Variants in ANK1 observed in about 807,000 individuals in gnomAD.
ANK1 encodes ankyrin 1.
In ANK1, 51 loss-of-function variants were observed where a neutral mutation model predicts 210.4. That is an observed-to-expected ratio of 0.24 (90% CI 0.19 to 0.31). The LOEUF (loss-of-function observed/expected upper bound fraction) is 0.31. ANK1 is among the 10% of genes least tolerant of loss of function. ANK1 has a pLI of 1.00. For synonymous variants in ANK1, 967 were observed against 1,025.9 expected, an observed-to-expected ratio of 0.94 and a Z score of 1.10; for missense variants, 2,051 against 2,504.4, an observed-to-expected ratio of 0.82 and a Z score of 3.86.
rs769931738 is a variant in ANK1, at chr8:41,654,441, G to C, written c.*1349C>G. The C allele has an allele frequency of 1.3e-5, 2 of 152,680 alleles. No individual in the cohort carries two copies. Among genetic ancestry groups the C allele is most frequent in the Non-Finnish European group, 1.5e-5 (1 of 68,084 alleles). The allele number at this position is 152,680 out of a possible 1,614,324, so 9.5% of individuals were successfully genotyped here. A position where few individuals can be genotyped will look rare whatever the true frequency, so the allele number is the denominator to read the frequency against. On this transcript the variant is annotated 3_prime_UTR_variant, in exon 43 of 43. Transcript: ENST00000289734. ...GGGCTGGGCAGAGGGGAGGCACTGAGGCAGGACAGGGAACAGCCTCGAGCC... is the reference window on the plus strand; with the variant it reads ...GGGCTGGGCAGAGGGGAGGCACTGACGCAGGACAGGGAACAGCCTCGAGCC...
intron 30 of ANK1, 52 bp downstream of exon 30, chr8:41,693,053 T>C: frequency 6.5e-7 from 1 of 1,548,608 alleles, no homozygotes; most frequent in South Asian, 1.1e-5. Context: ...GACGGCAGCA[T>C]AGAGCCTGAG....
intron 1 of ANK1, among the ~76,000 whole-genome samples, chr8:41,820,327 ATGTGTGTGTGTGTG>A (rs56359274): frequency 0.041 from 5,867 of 142,858 alleles, 268 homozygotes; most frequent in African/African-American, 0.11. Flanking sequence ...ACCAAGCTAA[ATGTGTGTGTGTGTG>A]TGTGTGTGTG....
At chr8:41,836,894 T>C (rs945089232) in intron 1 of ANK1, among the ~76,000 whole-genome samples, 3 of 148,228 alleles carry the variant, frequency 2.0e-5, no homozygotes, top group African/African-American at 7.5e-5. Flanking sequence ...CACTCCAGCC[T>C]GGGCAACAGA....
chr8:41,668,725 A>G (rs1811334562), intron 38 of ANK1, among the ~76,000 whole-genome samples, 161 bp from the exon 39 acceptor site: 1 of 152,140 alleles, frequency 6.6e-6, no homozygotes. Context: ...GGGGCGCATG[A>G]GCACATTGCT....
At chr8:41,672,102 G>GTGCTCTC (rs1215656770) in intron 38 of ANK1, among the ~76,000 whole-genome samples, 1 of 152,180 alleles carries the variant, frequency 6.6e-6, no homozygotes, top group Non-Finnish European at 1.5e-5. Context: ...GTCCCTATGT[G>GTGCTCTC]TGCTCTCCCA....
At chr8:41,724,357 G>A in intron 7 of ANK1, 99 bp downstream of exon 7, 1 of 1,061,124 alleles carries the variant, frequency 9.4e-7, no homozygotes, top group South Asian at 1.4e-5. Flanking sequence ...TTAACCCACA[G>A]GCACTTCTGC....
intron 1 of ANK1, among the ~76,000 whole-genome samples, chr8:41,862,319 C>G (rs1322853749): frequency 6.6e-6 from 1 of 152,144 alleles, no homozygotes; most frequent in Non-Finnish European, 1.5e-5. Flanking sequence ...GAAAGCTATG[C>G]CTCAAGGCTG....
At chr8:41,725,058 C>CAA (rs1352813214) in intron 6 of ANK1, among the ~76,000 whole-genome samples, 3 of 152,208 alleles carry the variant, frequency 2.0e-5, no homozygotes, top group African/African-American at 7.2e-5. Context: ...GGCAGGGTCT[C>CAA]ACTATGTTGT....
chr8:41,735,545 A>G (rs1833208410), intron 2 of ANK1, among the ~76,000 whole-genome samples: 2 of 151,926 alleles, frequency 1.3e-5, no homozygotes, highest in Admixed American at 1.3e-4. Context: ...TGGTTTCTGC[A>G]GGTCTGATGT....
intron 2 of ANK1, among the ~76,000 whole-genome samples, chr8:41,748,328 T>C (rs1836695966): frequency 6.6e-6 from 1 of 152,182 alleles, no homozygotes; most frequent in African/African-American, 2.4e-5. Context: ...GCAGCTAGGA[T>C]CAGAGAACTA....
chr8:41,855,808 C>G (rs953182652), intron 1 of ANK1, among the ~76,000 whole-genome samples: 3 of 152,120 alleles, frequency 2.0e-5, no homozygotes, highest in African/African-American at 7.2e-5. Flanking sequence ...TCACTCAGAA[C>G]CTGCCCTTGC....
At chr8:41,827,722 A>T (rs28412555) in intron 1 of ANK1, among the ~76,000 whole-genome samples, 2 of 101,324 alleles carry the variant, frequency 2.0e-5, no homozygotes, top group African/African-American at 1.0e-4. Flanking sequence ...ACCCACTCAC[A>T]CTCACACACA....
chr8:41,863,602 A>G (rs2150819812), intron 1 of ANK1, among the ~76,000 whole-genome samples: 1 of 152,358 alleles, frequency 6.6e-6, no homozygotes, highest in Non-Finnish European at 1.5e-5. Context: ...AGTAGTATAC[A>G]ATAAACTCTA....
At chr8:41,753,099 G>A (rs1341216549) in intron 2 of ANK1, among the ~76,000 whole-genome samples, 2 of 128,770 alleles carry the variant, frequency 1.6e-5, no homozygotes, top group East Asian at 4.4e-4. Flanking sequence ...GTCTTGCTCT[G>A]TTGCCCAAGC....
intron 1 of ANK1, among the ~76,000 whole-genome samples, chr8:41,864,249 CAA>C (rs34673931): frequency 0.11 from 8,578 of 77,630 alleles, 268 homozygotes; most frequent in African/African-American, 0.22. Flanking sequence ...GACTCTGTCT[CAA>C]AAAAAAAAAA....
chr8:41,765,185 T>C lies in ANK1; in HGVS notation c.28-7048A>G, dbSNP rs994780969. 2.6e-5 allele frequency among the ~76,000 whole-genome samples: 4 copies of C among 151,220 alleles called. No homozygotes were observed. The South Asian group carries it at 8.4e-4, about 32-fold the overall frequency. ...TTTCCTTTCTTTTCCTTTCTTTCTT[T>C]CTTTCTTTTTCTTTCTCTTTTTTTC... On this transcript the variant is annotated intron_variant, in intron 1 of 42. Transcript: ENST00000289734.
intron 42 of ANK1, chr8:41,661,081 G>T: frequency 6.1e-6 from 2 of 327,160 alleles, no homozygotes; most frequent in Non-Finnish European, 1.2e-5. Flanking sequence ...TTGCTCTGTT[G>T]CCCAGGCTGG....
At chr8:41,766,707 A>T (rs1253303199) in intron 1 of ANK1, among the ~76,000 whole-genome samples, 2 of 152,082 alleles carry the variant, frequency 1.3e-5, no homozygotes, top group East Asian at 1.9e-4. Flanking sequence ...AAGGCCCCAA[A>T]CCTCCATTTC....
rs1805379360 is a variant in ANK1 at position 41,655,595 on chromosome 8, C to G, written c.*195G>C. The G allele has an allele frequency of 9.1e-7, 1 of 1,099,868 alleles. No homozygotes were observed. The highest frequency in any genetic ancestry group is 1.3e-5 in the South Asian group (1 of 75,566). 68.1% of individuals were successfully genotyped at this position (1,099,868 alleles called of 1,614,324 possible). On this transcript the variant is annotated 3_prime_UTR_variant, in exon 43 of 43. Transcript: ENST00000289734. ...TGGAGGTCATGCGTCTACAGTCAGT[C>G]ATTCATGCCAAGAGGGGACTAGCAG...
Sources: gnomAD v4.1 joint callset for allele counts (sites outside exome capture counted in the v4.1 genomes callset) on GRCh38, gnomAD v4.1.1 for gene constraint, MANE v1.5 for transcripts, NCBI Gene and HGNC (gene_info 2026-07-23, HGNC 2026-07-21) for gene names.